The following SCN2A variants were observed in gnomAD, a reference collection of about 807,000 sequenced individuals.
SCN2A encodes sodium voltage-gated channel alpha subunit 2.
In SCN2A, 20 loss-of-function variants were observed where a neutral mutation model predicts 188.7. The ratio of observed to expected loss-of-function variants is 0.11; its 90% CI spans 0.07 to 0.15. SCN2A has a LOEUF of 0.15. Ranked by LOEUF, SCN2A falls within the 10% of genes least tolerant of loss-of-function variation. The pLI is 1.00. For missense variants in SCN2A, 1,278 were observed against 2,445.0 expected, an observed-to-expected ratio of 0.52 and a Z score of 10.07; for synonymous variants, 804 against 833.1, an observed-to-expected ratio of 0.97 and a Z score of 0.60.
chr2:165,292,576 G>A (rs1411015971), intron 1 of SCN2A, among the ~76,000 whole-genome samples: 3 of 151,856 alleles, frequency 2.0e-5, no homozygotes, highest in Non-Finnish European at 4.4e-5. Context: ...GAGAAGATGT[G>A]GTATTTTGTT....
At chr2:165,277,199 C>G (rs191404951) in intron 1 of SCN2A, among the ~76,000 whole-genome samples, 95 of 152,202 alleles carry the variant, frequency 6.2e-4, no homozygotes, top group African/African-American at 2.2e-3. Context: ...ATTATTCAGA[C>G]AGGCATCCTT....
chr2:165,322,328 C>T (rs1442326806), intron 11 of SCN2A, among the ~76,000 whole-genome samples: 1 of 152,048 alleles, frequency 6.6e-6, no homozygotes, highest in East Asian at 1.9e-4. Context: ...ACTGGGAGAC[C>T]CGAGCCTCAA....
rs765804959 is a variant in SCN2A, at chr2:165,256,000, C to CTTTTTTTTTT, written c.-52+16371_-52+16380dup. On this transcript the variant is annotated intron_variant, in intron 1 of 26. Transcript: ENST00000375437. Reference sequence around the variant, plus strand: ...AAATGTTTTCATTTGGGGCTCTTTTCTTTTTTTTTTTTTTTTTTTTGGTGA... The same window carrying CTTTTTTTTTT: ...AAATGTTTTCATTTGGGGCTCTTTTCTTTTTTTTTTTTTTTTTTTTTTTTTTTTTTGGTGA... Among the ~76,000 whole-genome samples the CTTTTTTTTTT allele has an allele frequency of 7.9e-3, 694 of 88,278 alleles. 14 individuals are homozygous for CTTTTTTTTTT. Among genetic ancestry groups the CTTTTTTTTTT allele is most frequent in the East Asian group, 9.3e-3 (27 of 2,892 alleles). 57.9% of individuals were successfully genotyped at this position (88,278 alleles called of 152,430 possible).
chr2:165,363,324 G>A (rs781743281), intron 17 of SCN2A, among the ~76,000 whole-genome samples: 1 of 152,046 alleles, frequency 6.6e-6, no homozygotes, highest in African/African-American at 2.4e-5. Context: ...GGGGTCACCC[G>A]AAGTCTTACC....
chr2:165,349,570 C>T (rs181335236), intron 16 of SCN2A, among the ~76,000 whole-genome samples: 1 of 146,478 alleles, frequency 6.8e-6, no homozygotes, highest in African/African-American at 2.5e-5. Context: ...TTATGGTTGA[C>T]ATCAGTATTA....
chr2:165,256,759 C>T (rs1694344171), intron 1 of SCN2A, among the ~76,000 whole-genome samples: 1 of 152,070 alleles, frequency 6.6e-6, no homozygotes, highest in Admixed American at 6.6e-5. Context: ...TTCTCTTCTG[C>T]TTCTTATTTT....
chr2:165,259,616 C>T (rs570312963), intron 1 of SCN2A, among the ~76,000 whole-genome samples: 29 of 152,298 alleles, frequency 1.9e-4, no homozygotes, highest in African/African-American at 6.5e-4. Context: ...CTCATTCATT[C>T]AAGTTTTATC....
intron 22 of SCN2A, among the ~76,000 whole-genome samples, chr2:165,376,414 A>C (rs1396914469): frequency 1.3e-5 from 2 of 152,026 alleles, no homozygotes; most frequent in African/African-American, 4.8e-5. Flanking sequence ...AAACTATATA[A>C]AAATGATATA....
chr2:165,329,244 AT>A (rs1329849026), intron 13 of SCN2A, among the ~76,000 whole-genome samples: 2 of 152,138 alleles, frequency 1.3e-5, no homozygotes, highest in Non-Finnish European at 2.9e-5. Flanking sequence ...AAAATGAACC[AT>A]TTGCGTTTCA....
chr2:165,368,943 T>TTAA (rs1299087239), intron 19 of SCN2A, among the ~76,000 whole-genome samples: 1 of 151,250 alleles, frequency 6.6e-6, no homozygotes, highest in Non-Finnish European at 1.5e-5. Flanking sequence ...ATTATTATTA[T>TTAA]TTTTTAGACA....
At chr2:165,317,906 A>T (rs1697849114) in intron 11 of SCN2A, among the ~76,000 whole-genome samples, 1 of 152,096 alleles carries the variant, frequency 6.6e-6, no homozygotes, top group Non-Finnish European at 1.5e-5. Flanking sequence ...AAAAAGACAG[A>T]GGGAAAGGGA....
At chr2:165,319,044 G>C (rs1244518804) in intron 11 of SCN2A, among the ~76,000 whole-genome samples, 4 of 152,162 alleles carry the variant, frequency 2.6e-5, no homozygotes, top group African/African-American at 7.2e-5. Context: ...AGTCTTCTTA[G>C]AAGTAGTTCT....
At chr2:165,315,319 C>T in intron 10 of SCN2A, 152 bp from the exon 11 acceptor site, 1 of 1,264,170 alleles carries the variant, frequency 7.9e-7, no homozygotes, top group South Asian at 1.5e-5. Flanking sequence ...TTTGATTGGT[C>T]TAATAACAAT....
intron 1 of SCN2A, among the ~76,000 whole-genome samples, chr2:165,291,436 C>A (rs1436184693): frequency 1.5e-5 from 1 of 65,406 alleles, no homozygotes; most frequent in Non-Finnish European, 3.1e-5. Context: ...GTCTTTCTTT[C>A]TCTTTCTTTC....
At chr2:165,310,144 T>C (rs541939374) in intron 6 of SCN2A, among the ~76,000 whole-genome samples, 179 bp from the exon 7 acceptor site, 2 of 152,298 alleles carry the variant, frequency 1.3e-5, no homozygotes, top group African/African-American at 4.8e-5. Flanking sequence ...TCTGCTTTCA[T>C]TCATTTTCAC....
At chr2:165,345,284 G>A (rs995562550) in intron 16 of SCN2A, among the ~76,000 whole-genome samples, 3 of 152,112 alleles carry the variant, frequency 2.0e-5, no homozygotes, top group African/African-American at 7.2e-5. Flanking sequence ...TTAAAAACTA[G>A]CAACAATCTC....
At chr2:165,378,665 T>G (rs948674210) in intron 23 of SCN2A, among the ~76,000 whole-genome samples, 3 of 151,798 alleles carry the variant, frequency 2.0e-5, no homozygotes, top group Non-Finnish European at 4.4e-5. Context: ...CTTACCTTTT[T>G]GATTAATTAA....
intron 1 of SCN2A, among the ~76,000 whole-genome samples, chr2:165,253,354 C>A (rs1694177029): frequency 6.6e-6 from 1 of 151,990 alleles, no homozygotes; most frequent in African/African-American, 2.4e-5. Context: ...TGCATAATAC[C>A]TACCAGATTG....
chr2:165,345,050 T>C (rs1699499598), intron 16 of SCN2A, 139 bp downstream of exon 16: 6 of 1,088,818 alleles, frequency 5.5e-6, no homozygotes, highest in Middle Eastern at 3.0e-4. Flanking sequence ...GTAAGAGCCA[T>C]GTATAGTTTA....
Sources: allele counts gnomAD v4.1 joint callset (sites outside exome capture counted in the v4.1 genomes callset), GRCh38; gene constraint gnomAD v4.1.1; transcripts MANE v1.5; gene names NCBI Gene and HGNC (gene_info 2026-07-23, HGNC 2026-07-21).